The following CUL5 variants were observed in gnomAD, a reference collection of about 807,000 sequenced individuals.
CUL5 encodes cullin 5, also known as cullin-5.
CUL5 carries 26 observed loss-of-function variants against 108.8 expected under a neutral mutation model. The observed-to-expected ratio is 0.24, with a 90% CI of 0.18 to 0.33. The LOEUF is 0.33. Among genes scored for constraint, CUL5 ranks in the 10% least tolerant of loss-of-function variants. The probability of loss-of-function intolerance (pLI) is 1.00; values close to 1 mark genes in which losing one functional copy is unlikely to be tolerated. For missense variants in CUL5, 524 were observed against 909.2 expected (o/e 0.58, Z 5.45); for synonymous variants, 334 against 298.0 (o/e 1.12, Z -1.25).
chr11:108,097,810 G>GT, intron 17 of CUL5, 56 bp downstream of exon 17: 2 of 940,614 alleles, frequency 2.1e-6, no homozygotes, highest in South Asian at 1.4e-5. Context: ...TTAGCACTTT[G>GT]TTTTTTGCAA....
At chr11:108,014,197 G>T (rs1862125338) in intron 1 of CUL5, among the ~76,000 whole-genome samples, 1 of 152,184 alleles carries the variant, frequency 6.6e-6, no homozygotes, top group African/African-American at 2.4e-5. Flanking sequence ...AAGTGTTGGA[G>T]CTGGATTTTG....
chr11:108,088,005 G>C lies in CUL5; in HGVS notation c.1179-522G>C, dbSNP rs559728832. 2.6e-5 allele frequency among the ~76,000 whole-genome samples: 4 copies of C among 151,604 alleles called. No homozygotes were observed. In the South Asian group the frequency reaches 8.4e-4, roughly 32 times the overall value. On this transcript the variant is annotated intron_variant, in intron 11 of 18. Coordinates refer to ENST00000393094, the MANE Select transcript of CUL5 (RefSeq NM_003478.6). ...AAAATTTGTATCAGGAAAGTGAAAT[G>C]GAGATACAAATTCTTTATTGCTTAG...
intron 5 of CUL5, 35 bp downstream of exon 5, chr11:108,052,836 T>G: frequency 1.3e-6 from 2 of 1,560,936 alleles, no homozygotes; most frequent in Middle Eastern, 1.7e-4. Flanking sequence ...TAATTTCTGT[T>G]TCATGGAAAT....
intron 7 of CUL5, among the ~76,000 whole-genome samples, chr11:108,061,763 A>C (rs1032634301): frequency 6.6e-6 from 1 of 152,114 alleles, no homozygotes; most frequent in Non-Finnish European, 1.5e-5. Flanking sequence ...AAAGATAACT[A>C]CCTGAGACTG....
At chr11:108,070,438 C>CT (rs1863793109) in intron 8 of CUL5, among the ~76,000 whole-genome samples, 1 of 152,038 alleles carries the variant, frequency 6.6e-6, no homozygotes, top group African/African-American at 2.4e-5. Context: ...TGAATTTCTA[C>CT]TTTTTTCTCA....
At chr11:108,059,147 G>T (rs1171827327) in intron 7 of CUL5, among the ~76,000 whole-genome samples, 2 of 152,110 alleles carry the variant, frequency 1.3e-5, no homozygotes, top group African/African-American at 2.4e-5. Flanking sequence ...TGAGTTGCTG[G>T]GACAGTAGGC....
At position 108,009,387 on chromosome 11, in the gene CUL5, C is replaced by CGAGT; in HGVS notation, c.24+15_24+16insGAGT. The CGAGT allele has an allele frequency of 6.2e-7, 1 of 1,613,506 alleles. No homozygotes were observed. Among genetic ancestry groups the CGAGT allele is most frequent in the East Asian group, 2.2e-5 (1 of 44,840 alleles). ...ATCTGTTAAAGGTAAGACCCTCACT[C>CGAGT]CAGCTTGGGTTTTACTGTGTGGCCG... On this transcript the variant is annotated intron_variant, in intron 1 of 18. Transcript: ENST00000393094.
At chr11:108,025,824 C>G (rs1238874702) in intron 1 of CUL5, among the ~76,000 whole-genome samples, 1 of 152,192 alleles carries the variant, frequency 6.6e-6, no homozygotes, top group Non-Finnish European at 1.5e-5. Flanking sequence ...AAACTCTGAA[C>G]TCTGCCTCTT....
chr11:108,103,684 A>C (rs1864724149), intron 18 of CUL5, among the ~76,000 whole-genome samples: 1 of 152,224 alleles, frequency 6.6e-6, no homozygotes, highest in Non-Finnish European at 1.5e-5. Context: ...AACTTTTAAG[A>C]ATGTGAATGG....
At position 108,106,658 on chromosome 11, in the gene CUL5, A is replaced by G. The variant is rs1366779533; in HGVS notation, c.*2274A>G. 1 of 151,464 alleles carries G rather than the reference A, an allele frequency of 6.6e-6. No homozygotes were observed. The highest frequency in any genetic ancestry group is 1.5e-5 in the Non-Finnish European group (1 of 67,822). The allele number at this position is 151,464 out of a possible 1,614,324, so 9.4% of individuals were successfully genotyped here. On this transcript the variant is annotated 3_prime_UTR_variant, in exon 19 of 19. Transcript: ENST00000393094. ...TAAATTTTCTTTAAGTAATTTAACA[A>G]CAGATTTGCTAATTTAAAAAAAAAT...
chr11:108,100,042 G>A (rs1195177196), intron 18 of CUL5, among the ~76,000 whole-genome samples: 1 of 151,380 alleles, frequency 6.6e-6, no homozygotes, highest in African/African-American at 2.4e-5. Flanking sequence ...TTAATATCAA[G>A]TTCAAAATTT....
At chr11:108,065,695 T>A (rs1863660010) in intron 7 of CUL5, among the ~76,000 whole-genome samples, 2 of 152,186 alleles carry the variant, frequency 1.3e-5, no homozygotes, top group African/African-American at 4.8e-5. Context: ...ACATTGGCGA[T>A]TCAAGACTAT....
chr11:108,047,259 G>T (rs566472287), intron 3 of CUL5, among the ~76,000 whole-genome samples: 1 of 152,090 alleles, frequency 6.6e-6, no homozygotes, highest in Non-Finnish European at 1.5e-5. Context: ...TGAGGCTGCC[G>T]TGAGCCGTGA....
At chr11:108,032,601 C>CTCTCTT (rs202168252) in intron 1 of CUL5, among the ~76,000 whole-genome samples, 3 of 151,346 alleles carry the variant, frequency 2.0e-5, no homozygotes, top group East Asian at 3.9e-4. Context: ...CTCTCTCTCT[C>CTCTCTT]TGTTTTTGGC....
intron 12 of CUL5, 38 bp from the exon 13 acceptor site, chr11:108,089,454 G>A: frequency 6.8e-7 from 1 of 1,459,866 alleles, no homozygotes; most frequent in South Asian, 1.3e-5. Context: ...GATGGTAAGA[G>A]TATATAAGAA....
At chr11:108,090,007 T>C (rs1179125161) in intron 13 of CUL5, among the ~76,000 whole-genome samples, 1 of 150,570 alleles carries the variant, frequency 6.6e-6, no homozygotes, top group Non-Finnish European at 1.5e-5. Context: ...GCCATTGCAC[T>C]CCAGCCTGGG....
intron 11 of CUL5, among the ~76,000 whole-genome samples, chr11:108,084,540 A>G (rs1864177532): frequency 6.6e-6 from 1 of 152,250 alleles, no homozygotes; most frequent in African/African-American, 2.4e-5. Context: ...TTCATAGCAA[A>G]GGATGAACCC....
Position 108,009,013 on chromosome 11 carries a change from G to C in CUL5, c.-336G>C. On this transcript the variant is annotated 5_prime_UTR_variant, in exon 1 of 19. Transcript: ENST00000393094. ...CGGGTGCAACCACAAAGGCTAATCCGAAGGAGTCGGGGAGGCTCGTGGAGT... is the reference window on the plus strand; with the variant it reads ...CGGGTGCAACCACAAAGGCTAATCCCAAGGAGTCGGGGAGGCTCGTGGAGT... 2.7e-6 allele frequency: 1 copy of C among 368,816 alleles called. No individual in the cohort carries two copies. Among genetic ancestry groups the C allele is most frequent in the South Asian group, 5.2e-5 (1 of 19,352 alleles). 22.8% of individuals were successfully genotyped at this position (368,816 alleles called of 1,614,324 possible). A position where few individuals can be genotyped will look rare whatever the true frequency, so the allele number is the denominator to read the frequency against.
chr11:108,064,073 G>C lies in CUL5; in HGVS notation c.781-6023G>C, dbSNP rs534678348. Among the ~76,000 whole-genome samples the C allele has an allele frequency of 2.0e-5, 3 of 152,236 alleles. No homozygotes were observed. In the South Asian group the frequency reaches 6.2e-4, roughly 32 times the overall value. On this transcript the variant is annotated intron_variant, in intron 7 of 18. Transcript: ENST00000393094. Reference sequence around the variant, plus strand: ...ACTTCCAGTATTATTTTGAATAAAAGTGGTGACAGTGGGCATCCTTGTCAT... The same window carrying C: ...ACTTCCAGTATTATTTTGAATAAAACTGGTGACAGTGGGCATCCTTGTCAT...
Sources: gnomAD v4.1 joint callset for allele counts (sites outside exome capture counted in the v4.1 genomes callset) on GRCh38, gnomAD v4.1.1 for gene constraint, MANE v1.5 for transcripts, NCBI Gene and HGNC (gene_info 2026-07-23, HGNC 2026-07-21) for gene names.